Variants in ARID2 observed in about 807,000 individuals in gnomAD.
ARID2 encodes the protein AT-rich interaction domain 2, also known as AT-rich interactive domain-containing protein 2.
Under a neutral mutation model 184.6 loss-of-function variants are expected in ARID2, and 32 were observed. The observed-to-expected ratio is 0.17, with a 90% CI of 0.13 to 0.23. The LOEUF is 0.23. Ranked by LOEUF, ARID2 falls within the 10% of genes least tolerant of loss-of-function variation. The pLI is 1.00. For missense variants in ARID2, 1,696 were observed against 2,197.6 expected (o/e 0.77, Z 4.56); for synonymous variants, 836 against 772.6 (o/e 1.08, Z -1.36).
chr12:45,843,928 T>C (rs1286258757), intron 11 of ARID2, among the ~76,000 whole-genome samples: 3 of 152,244 alleles, frequency 2.0e-5, no homozygotes. Context: ...GTTAGTATGT[T>C]AGTGTGACGC....
intron 16 of ARID2, among the ~76,000 whole-genome samples, chr12:45,869,711 C>G (rs571801392): frequency 4.0e-5 from 6 of 151,684 alleles, no homozygotes; most frequent in Non-Finnish European, 2.9e-5. Flanking sequence ...GGTGAAACCC[C>G]GTCTCTACTA....
chr12:45,793,456 C>G (rs1942330453), intron 3 of ARID2, among the ~76,000 whole-genome samples: 2 of 151,468 alleles, frequency 1.3e-5, no homozygotes, highest in South Asian at 4.2e-4. Flanking sequence ...CTGTCTAATA[C>G]TTGGTGCTTT....
chr12:45,863,226 A>G (rs1943777874), intron 16 of ARID2, among the ~76,000 whole-genome samples: 1 of 152,222 alleles, frequency 6.6e-6, no homozygotes, highest in Non-Finnish European at 1.5e-5. Flanking sequence ...TCAGAATGTT[A>G]AGAGCAAGCA....
chr12:45,736,848 C>T (rs188243356), intron 3 of ARID2, among the ~76,000 whole-genome samples: 1 of 152,120 alleles, frequency 6.6e-6, no homozygotes, highest in Non-Finnish European at 1.5e-5. Flanking sequence ...TTGTGGATCT[C>T]TAGACATTTT....
rs1940937408 is a variant in ARID2, at chr12:45,729,845, C to T, written c.9C>T (p.Asn3=). MA[N]STGKAPPDER... is the part of the protein sequence containing the mutation. ...CCTCCTTTGAAAAAATAATGGCAAA[C>T]TCGACGGGGAAGGCGCCTCCGGACG... Residue 3 remains asparagine (N), a synonymous_variant, in exon 1 of 21, where the codon AAC becomes AAT. Transcript: ENST00000334344. 1 of 1,610,182 alleles carries T rather than the reference C, an allele frequency of 6.2e-7. No homozygotes were observed. The highest frequency in any genetic ancestry group is 1.3e-5 in the African/African-American group (1 of 74,844).
intron 6 of ARID2, 49 bp from the exon 7 acceptor site, chr12:45,836,540 T>C (rs1398289876): frequency 4.6e-6 from 7 of 1,529,176 alleles, no homozygotes; most frequent in South Asian, 2.5e-5. Context: ...TCTAAAGCAA[T>C]AGAATAGTTG....
At chr12:45,882,707 G>A (rs1438220549) in intron 16 of ARID2, among the ~76,000 whole-genome samples, 1 of 152,174 alleles carries the variant, frequency 6.6e-6, no homozygotes, top group Non-Finnish European at 1.5e-5. Flanking sequence ...TAGTTAGATT[G>A]ATCAATAGCT....
intron 16 of ARID2, 124 bp from the exon 17 acceptor site, chr12:45,891,656 A>G: frequency 9.4e-7 from 1 of 1,062,612 alleles, no homozygotes; most frequent in African/African-American, 1.6e-5. Context: ...ATGTTAAAAC[A>G]ATTTACCAAA....
intron 6 of ARID2, among the ~76,000 whole-genome samples, chr12:45,835,926 A>G (rs899868061): frequency 7.2e-5 from 11 of 151,782 alleles, no homozygotes; most frequent in Non-Finnish European, 1.5e-4. Context: ...AACAAAAAAG[A>G]AATGTCAAAT....
intron 1 of ARID2, 21 bp downstream of exon 1, chr12:45,729,949 G>A (rs1233472419): frequency 3.7e-6 from 6 of 1,604,134 alleles, no homozygotes; most frequent in Non-Finnish European, 4.3e-6. Context: ...AACCGGGGGG[G>A]CAGCGCCGGG....
chr12:45,771,205 A>C (rs543969831), intron 3 of ARID2, among the ~76,000 whole-genome samples: 1 of 152,250 alleles, frequency 6.6e-6, no homozygotes, highest in East Asian at 1.9e-4. Context: ...TAAAAATACA[A>C]AAATTACCCG....
intron 4 of ARID2, among the ~76,000 whole-genome samples, chr12:45,811,879 G>A (rs1457726082): frequency 6.6e-6 from 1 of 152,156 alleles, no homozygotes; most frequent in Non-Finnish European, 1.5e-5. Context: ...AGGAGACCAA[G>A]AATTTTCTTA....
At chr12:45,810,509 CAA>C (rs755257612) in intron 3 of ARID2, among the ~76,000 whole-genome samples, 1 of 151,930 alleles carries the variant, frequency 6.6e-6, no homozygotes, top group African/African-American at 2.4e-5. Flanking sequence ...TACCAAAAAA[CAA>C]AACTGAAAAT....
chr12:45,803,550 G>C (rs1037347348), intron 3 of ARID2, among the ~76,000 whole-genome samples: 1 of 152,114 alleles, frequency 6.6e-6, no homozygotes, highest in African/African-American at 2.4e-5. Context: ...GTAACAAAAA[G>C]TACAGCATTA....
intron 3 of ARID2, among the ~76,000 whole-genome samples, chr12:45,758,806 A>G (rs1001981608): frequency 1.3e-5 from 2 of 152,138 alleles, no homozygotes; most frequent in Non-Finnish European, 2.9e-5. Context: ...CTAAGGGTAC[A>G]CCTTGAAAGT....
rs144928351 is a variant in ARID2 at position 45,849,672 on chromosome 12, C to T, written c.1808C>T (p.Ala603Val). The change falls in exon 14 of 21, where the codon GCT becomes GTT. Residue 603 changes from alanine (A) to valine (V), a missense_variant. This residue lies in a region of ARID2 where 713 missense variants were observed against 824.4 expected (regional missense o/e 0.86). Coordinates refer to ENST00000334344, the MANE Select transcript of ARID2 (RefSeq NM_152641.4). Reference sequence around the variant, plus strand: ...CATGTGGTAGGAGTAAAACGGAGGGCTATACCACTTCCCATTCAGATGTAC... The same window carrying T: ...CATGTGGTAGGAGTAAAACGGAGGGTTATACCACTTCCCATTCAGATGTAC... ...HIHVVGVKRR[A>V]IPLPIQMYYQ... 2.1e-4 allele frequency: 345 copies of T among 1,613,866 alleles called. 4 individuals carry two copies. The African/African-American group carries it at 2.9e-3, about 14-fold the overall frequency.
chr12:45,896,181 A>G lies in ARID2; in HGVS notation c.5363+2460A>G, dbSNP rs558673674. 7.9e-5 allele frequency among the ~76,000 whole-genome samples: 12 copies of G among 152,332 alleles called. No individual in the cohort carries two copies. The South Asian group carries it at 1.5e-3, about 18-fold the overall frequency. On this transcript the variant is annotated intron_variant, in intron 20 of 20. Transcript: ENST00000334344. ...GGCAGCTCTGCTGCGGAGATGGTCA[A>G]TGTGCCTAAAACCCAAAGAACCTTG...
At chr12:45,844,278 C>T (rs1443111179) in intron 11 of ARID2, among the ~76,000 whole-genome samples, 1 of 152,154 alleles carries the variant, frequency 6.6e-6, no homozygotes, top group African/African-American at 2.4e-5. Context: ...TTCGGCCTCC[C>T]AAAGTGCTGG....
chr12:45,735,788 TAGAGCTTAAATTGCCCA>T (rs1941104403), intron 3 of ARID2, among the ~76,000 whole-genome samples: 1 of 152,222 alleles, frequency 6.6e-6, no homozygotes, highest in Non-Finnish European at 1.5e-5. Flanking sequence ...TCCATGTTTT[TAGAGCTTAAATTGCCCA>T]AAGTAGAAAT....
Sources: allele counts gnomAD v4.1 joint callset (sites outside exome capture counted in the v4.1 genomes callset), GRCh38; gene constraint gnomAD v4.1.1; regional missense constraint gnomAD v4.1.1; transcripts MANE v1.5; gene names NCBI Gene and HGNC (gene_info 2026-07-23, HGNC 2026-07-21).